Variants in CD9 observed in about 807,000 individuals in gnomAD.
CD9 encodes the protein CD9 antigen.
Under a neutral mutation model 31.4 loss-of-function variants are expected in CD9, and 10 were observed. That is an observed-to-expected ratio of 0.32 (90% CI 0.20 to 0.54). CD9 has a LOEUF of 0.54. Among genes scored for constraint, CD9 ranks in the 20% least tolerant of loss-of-function variants. The pLI, the probability that CD9 is intolerant of heterozygous loss-of-function variation, is 0.94. For missense variants in CD9, 259 were observed against 300.1 expected, an observed-to-expected ratio of 0.86 and a Z score of 1.01; for synonymous variants, 113 against 114.1, an observed-to-expected ratio of 0.99 and a Z score of 0.06.
intron 1 of CD9, among the ~76,000 whole-genome samples, chr12:6,206,287 G>C (rs1254503684): frequency 6.6e-6 from 1 of 151,740 alleles, no homozygotes; most frequent in East Asian, 1.9e-4. Context: ...AACAATCATG[G>C]CTCATGGCTC....
intron 2 of CD9, among the ~76,000 whole-genome samples, chr12:6,229,807 T>A (rs1946420533): frequency 6.6e-6 from 1 of 150,834 alleles, no homozygotes; most frequent in African/African-American, 2.4e-5. Flanking sequence ...CTACTGCTGC[T>A]ACACCAGCCT....
At chr12:6,210,503 G>A (rs557199586) in intron 1 of CD9, among the ~76,000 whole-genome samples, 2 of 152,276 alleles carry the variant, frequency 1.3e-5, no homozygotes, top group African/African-American at 2.4e-5. Flanking sequence ...GCCCCCAAGC[G>A]AGGCCAGGTG....
upstream of CD9, chr12:6,200,373 T>TAA (rs1212154848): frequency 1.7e-6 from 1 of 602,580 alleles, no homozygotes. Flanking sequence ...TGGCACTTTT[T>TAA]AAAAGTGCAG....
In CD9 at chr12:6,232,886, T is replaced by G. The variant is rs892311021; in HGVS notation, c.273+157T>G. The G allele has an allele frequency of 4.8e-5, 34 of 705,802 alleles. 1 individual carries two copies. In the Admixed American group the frequency reaches 6.4e-4, roughly 13 times the overall value. 43.7% of individuals were successfully genotyped at this position (705,802 alleles called of 1,614,324 possible). A position where few individuals can be genotyped will look rare whatever the true frequency, so the allele number is the denominator to read the frequency against. On this transcript the variant is annotated intron_variant, in intron 3 of 7. Coordinates refer to ENST00000009180, the MANE Select transcript of CD9 (RefSeq NM_001769.4). This position sits in a 1 kb window ranked among gnomAD's most constrained non-coding sequence, Gnocchi z 4.8. ...CCTCAGCCTGGGCCCCTCCCCGATG[T>G]GAGGCGTCGCCCCTCTTCCTTTCTG... is the stretch of plus-strand genomic sequence containing the variant.
At chr12:6,220,899 C>T (rs1408914720) in intron 1 of CD9, among the ~76,000 whole-genome samples, 5 of 152,168 alleles carry the variant, frequency 3.3e-5, no homozygotes, top group East Asian at 3.8e-4. Flanking sequence ...TGGACTTAGT[C>T]GGATTTCACT....
chr12:6,215,638 G>A (rs943980959), intron 1 of CD9, among the ~76,000 whole-genome samples: 10 of 152,216 alleles, frequency 6.6e-5, no homozygotes, highest in African/African-American at 2.4e-4. Context: ...AGTCCCAAGA[G>A]CAGAAGTTGT....
At chr12:6,207,886 G>A (rs1946150279) in intron 1 of CD9, among the ~76,000 whole-genome samples, 1 of 152,208 alleles carries the variant, frequency 6.6e-6, no homozygotes, top group African/African-American at 2.4e-5. Context: ...GCCAGGCATT[G>A]TGCCTGAGGG....
At chr12:6,214,411 G>A (rs868601605) in intron 1 of CD9, among the ~76,000 whole-genome samples, 1 of 140,818 alleles carries the variant, frequency 7.1e-6, no homozygotes, top group Admixed American at 7.5e-5. Context: ...CAGTGGCGCA[G>A]TGTCAACTCA....
At chr12:6,223,099 A>T (rs1946313375) in intron 1 of CD9, among the ~76,000 whole-genome samples, 1 of 152,194 alleles carries the variant, frequency 6.6e-6, no homozygotes, top group Non-Finnish European at 1.5e-5. Context: ...AGGGTGAGAA[A>T]CAGGTTGTGG....
At chr12:6,228,788 C>A (rs887819388) in intron 2 of CD9, among the ~76,000 whole-genome samples, 1 of 152,194 alleles carries the variant, frequency 6.6e-6, no homozygotes, top group Non-Finnish European at 1.5e-5. Flanking sequence ...GCCAGCCACA[C>A]CCTGGCTACT....
At chr12:6,235,103 CGTT>C in intron 4 of CD9, 123 bp from the exon 5 acceptor site, 1 of 736,144 alleles carries the variant, frequency 1.4e-6, no homozygotes, top group South Asian at 1.7e-5. Context: ...TGCCCAGTGA[CGTT>C]GTCCAAGCAC....
chr12:6,233,868 T>C (rs1946483028), intron 4 of CD9, among the ~76,000 whole-genome samples: 1 of 151,112 alleles, frequency 6.6e-6, no homozygotes, highest in Admixed American at 6.6e-5. Flanking sequence ...GATCTATAAA[T>C]AACATGTTCA....
At chr12:6,222,099 A>G (rs1183566408) in intron 1 of CD9, among the ~76,000 whole-genome samples, 1 of 152,216 alleles carries the variant, frequency 6.6e-6, no homozygotes. Context: ...AGCGCCTTAG[A>G]TAGCGCTGCC....
At chr12:6,222,667 G>A (rs1946306719) in intron 1 of CD9, among the ~76,000 whole-genome samples, 1 of 152,190 alleles carries the variant, frequency 6.6e-6, no homozygotes, top group African/African-American at 2.4e-5. Flanking sequence ...ACAGAGACCG[G>A]ATCAATGACT....
intron 1 of CD9, chr12:6,225,068 T>C (rs780322732): frequency 8.5e-6 from 2 of 235,146 alleles, no homozygotes; most frequent in Non-Finnish European, 1.6e-5. Flanking sequence ...CATGGAATCA[T>C]ATTGTGTGTG....
At chr12:6,213,215 C>G (rs1946210281) in intron 1 of CD9, among the ~76,000 whole-genome samples, 1 of 152,188 alleles carries the variant, frequency 6.6e-6, no homozygotes, top group Non-Finnish European at 1.5e-5. Context: ...ACATTTTTCA[C>G]AGATTGAGGT....
At chr12:6,207,786 G>A (rs1321429667) in intron 1 of CD9, among the ~76,000 whole-genome samples, 1 of 152,200 alleles carries the variant, frequency 6.6e-6, no homozygotes, top group African/African-American at 2.4e-5. Flanking sequence ...GATTCCAGAG[G>A]AGGTCCCGGT....
chr12:6,205,287 C>G (rs1451271563), intron 1 of CD9, among the ~76,000 whole-genome samples: 3 of 152,200 alleles, frequency 2.0e-5, no homozygotes, highest in Non-Finnish European at 2.9e-5. Context: ...TGGGTGTGAA[C>G]AACAAAGACC....
At chr12:6,220,476 G>A (rs1186061919) in intron 1 of CD9, among the ~76,000 whole-genome samples, 1 of 152,152 alleles carries the variant, frequency 6.6e-6, no homozygotes, top group East Asian at 1.9e-4. Context: ...GCCAGCTCAG[G>A]GGTGAAAGGA....
Sources: allele counts gnomAD v4.1 joint callset (sites outside exome capture counted in the v4.1 genomes callset), GRCh38; gene constraint gnomAD v4.1.1; non-coding constraint Gnocchi (gnomAD v3.1); transcripts MANE v1.5; gene names NCBI Gene and HGNC (gene_info 2026-07-23, HGNC 2026-07-21).